PKIB: variants seen among roughly 807,000 people sequenced by gnomAD.
PKIB encodes PKI-beta.
A neutral mutation model predicts 4.5 loss-of-function variants in PKIB; 2 were observed. That is an observed-to-expected ratio of 0.44 (90% confidence interval 0.18 to 1.39). PKIB has a LOEUF of 1.39. Among genes scored for constraint, PKIB ranks in the 40% most tolerant of loss-of-function variants. The probability of loss-of-function intolerance (pLI) is 0.27; values close to 1 mark genes in which losing one functional copy is unlikely to be tolerated. For synonymous variants in PKIB, 38 were observed against 36.0 expected, an observed-to-expected ratio of 1.06 and a Z score of -0.20; for missense variants, 94 against 92.6, an observed-to-expected ratio of 1.02 and a Z score of -0.06.
intron 3 of PKIB, among the ~76,000 whole-genome samples, chr6:122,591,165 G>T (rs1774007083): frequency 8.0e-6 from 1 of 124,394 alleles, no homozygotes; most frequent in Non-Finnish European, 1.9e-5. Flanking sequence ...AGCAAGGAAG[G>T]TCCCCCCCCA....
chr6:122,613,751 G>A (rs1391284858), intron 1 of PKIB, among the ~76,000 whole-genome samples: 2 of 151,920 alleles, frequency 1.3e-5, no homozygotes, highest in Non-Finnish European at 2.9e-5. Flanking sequence ...GGATCACAAG[G>A]TCAAGAGGTA....
intron 2 of PKIB, among the ~76,000 whole-genome samples, chr6:122,569,415 C>T (rs369590073): frequency 1.6e-4 from 24 of 152,286 alleles, no homozygotes; most frequent in East Asian, 1.2e-3. Flanking sequence ...ATGGAGAAAA[C>T]GGCTGCATGA....
At chr6:122,721,367 A>T (rs551192292) in intron 4 of PKIB, among the ~76,000 whole-genome samples, 1 of 152,286 alleles carries the variant, frequency 6.6e-6, no homozygotes, top group South Asian at 2.1e-4. Flanking sequence ...TAGTCAAATG[A>T]GTTTGGAATT....
At chr6:122,630,347 T>C (rs1775645482) in intron 1 of PKIB, among the ~76,000 whole-genome samples, 1 of 152,148 alleles carries the variant, frequency 6.6e-6, no homozygotes, top group Non-Finnish European at 1.5e-5. Flanking sequence ...TATTTAAGGC[T>C]TTATTCAGCC....
chr6:122,630,161 G>C (rs190170367), intron 1 of PKIB, among the ~76,000 whole-genome samples: 1 of 152,162 alleles, frequency 6.6e-6, no homozygotes, highest in Admixed American at 6.5e-5. Flanking sequence ...ATAGGACCTA[G>C]CAATTCCACT....
At chr6:122,667,054 G>A (rs1025462506) in intron 2 of PKIB, among the ~76,000 whole-genome samples, 5 of 152,110 alleles carry the variant, frequency 3.3e-5, no homozygotes, top group African/African-American at 1.2e-4. Flanking sequence ...CTCCCAGTGA[G>A]TTGGTATGTT....
chr6:122,720,792 C>T (rs1442597865), intron 4 of PKIB, among the ~76,000 whole-genome samples: 2 of 151,992 alleles, frequency 1.3e-5, no homozygotes, highest in Non-Finnish European at 2.9e-5. Context: ...ACCTCTGCCT[C>T]CCGGTTTCAA....
chr6:122,570,965 C>A (rs897776811), intron 2 of PKIB, among the ~76,000 whole-genome samples: 1 of 151,402 alleles, frequency 6.6e-6, no homozygotes, highest in African/African-American at 2.4e-5. Flanking sequence ...TAGGAAATAA[C>A]CAGAGAAAGG....
chr6:122,619,885 C>G lies in PKIB; in HGVS notation c.-161+9350C>G, dbSNP rs1377373726. Among the ~76,000 whole-genome samples the G allele has an allele frequency of 2.6e-5, 4 of 152,228 alleles. No individual in the cohort carries two copies. The East Asian group carries it at 7.7e-4, about 29-fold the overall frequency. ...CTTCAAAACCATTCCATCATGCTAC[C>G]TGGAACAACTGTTCAATAATAATAA... On this transcript the variant is annotated intron_variant, in intron 1 of 4. Transcript: ENST00000368452.
At position 122,477,063 on chromosome 6, in the gene PKIB, C is replaced by T. The variant is rs1017938894; in HGVS notation, c.-336-788C>T. On this transcript the variant is annotated intron_variant, in intron 1 of 6. Coordinates refer to the PKIB transcript ENST00000392491. ...ACGGATGAAATTAATTTTAAAGATG[C>T]ATTTAATTGAACTCTATATCCAAAA... is the stretch of plus-strand genomic sequence containing the variant. Among the ~76,000 whole-genome samples the T allele has an allele frequency of 3.3e-5, 5 of 152,200 alleles. No individual in the cohort carries two copies. In the East Asian group the frequency reaches 7.7e-4, roughly 23 times the overall value.
chr6:122,562,010 T>C (rs1773046253), intron 2 of PKIB, among the ~76,000 whole-genome samples: 1 of 144,962 alleles, frequency 6.9e-6, no homozygotes, highest in Non-Finnish European at 1.5e-5. Flanking sequence ...TTTTGTTTTT[T>C]TTTTTTTTTG....
chr6:122,484,165 TAAA>T (rs1456921392), intron 2 of PKIB: 1 of 122,764 alleles, frequency 8.1e-6, no homozygotes, highest in Admixed American at 8.0e-5. Flanking sequence ...TTGAAGTAAA[TAAA>T]GAAAAAAAAA....
chr6:122,481,949 C>T (rs1775624549), intron 2 of PKIB: 1 of 147,460 alleles, frequency 6.8e-6, no homozygotes, highest in Non-Finnish European at 1.5e-5. Context: ...CAGAACACAG[C>T]AGCAAAGGTA....
intron 2 of PKIB, chr6:122,483,318 A>G (rs574343391): frequency 6.6e-6 from 1 of 152,332 alleles, no homozygotes; most frequent in East Asian, 1.9e-4. Context: ...ATAATCCTTT[A>G]TTACAAGTTG....
chr6:122,541,838 G>T (rs903971566), intron 2 of PKIB, among the ~76,000 whole-genome samples: 1 of 151,522 alleles, frequency 6.6e-6, no homozygotes, highest in African/African-American at 2.4e-5. Context: ...CGTAGATTTG[G>T]TCTTTTCACA....
At chr6:122,601,149 C>A (rs930771981) in intron 3 of PKIB, among the ~76,000 whole-genome samples, 1 of 150,822 alleles carries the variant, frequency 6.6e-6, no homozygotes, top group African/African-American at 2.4e-5. Flanking sequence ...AAATAATGAA[C>A]AGGACATTAA....
chr6:122,648,665 C>A (rs1167649692), intron 2 of PKIB, among the ~76,000 whole-genome samples: 1 of 152,188 alleles, frequency 6.6e-6, no homozygotes, highest in Non-Finnish European at 1.5e-5. Context: ...GTAGTTTTGA[C>A]AGAAACTTTA....
intron 2 of PKIB, among the ~76,000 whole-genome samples, chr6:122,530,782 G>A (rs747273543): frequency 5.9e-5 from 9 of 152,194 alleles, no homozygotes; most frequent in Non-Finnish European, 1.2e-4. Flanking sequence ...CATTGGAAAC[G>A]TGGTCAACTC....
chr6:122,558,442 T>C (rs1485406730), intron 2 of PKIB, among the ~76,000 whole-genome samples: 1 of 152,142 alleles, frequency 6.6e-6, no homozygotes, highest in Non-Finnish European at 1.5e-5. Context: ...TAGTGAAAGG[T>C]ACAGTCAGAC....
Sources: allele counts gnomAD v4.1 joint callset (sites outside exome capture counted in the v4.1 genomes callset), GRCh38; gene constraint gnomAD v4.1.1; transcripts MANE v1.5; gene names NCBI Gene and HGNC (gene_info 2026-07-23, HGNC 2026-07-21).